Variants in STAB2 observed in about 807,000 individuals in gnomAD.
STAB2 encodes the protein stabilin-2.
Under a neutral mutation model 338.1 loss-of-function variants are expected in STAB2, and 288 were observed. The observed-to-expected ratio is 0.85, with a 90% CI of 0.77 to 0.94. The LOEUF (loss-of-function observed/expected upper bound fraction) is 0.94. Ranked by LOEUF, STAB2 falls within the 40% of genes least tolerant of loss-of-function variation. The pLI is 0.00. For synonymous variants in STAB2, 1,202 were observed against 1,193.3 expected, an observed-to-expected ratio of 1.01 and a Z score of -0.15; for missense variants, 3,141 against 3,210.1, an observed-to-expected ratio of 0.98 and a Z score of 0.52.
chr12:103,656,990 T>C (rs916772144), intron 15 of STAB2, among the ~76,000 whole-genome samples: 1 of 152,040 alleles, frequency 6.6e-6, no homozygotes, highest in South Asian at 2.1e-4. Flanking sequence ...CCGGCCAGGA[T>C]TTTTTTAAAA....
chr12:103,757,951 G>A, intron 63 of STAB2: 1 of 609,276 alleles, frequency 1.6e-6, no homozygotes, highest in Non-Finnish European at 2.8e-6. Flanking sequence ...AGGATGGGCT[G>A]TGACGTGGCT....
chr12:103,762,183 C>A (rs1213833260), intron 66 of STAB2, 91 bp from the exon 67 acceptor site: 1 of 1,549,518 alleles, frequency 6.5e-7, no homozygotes, highest in Non-Finnish European at 8.7e-7. Context: ...TTTATCCCCA[C>A]TGGCTCCAGA....
chr12:103,681,645 CAG>C (rs1269992538), intron 25 of STAB2, among the ~76,000 whole-genome samples: 1 of 104,596 alleles, frequency 9.6e-6, no homozygotes, highest in Non-Finnish European at 1.8e-5. Context: ...TTTTTTGAGA[CAG>C]AGTCTCGCTC....
chr12:103,696,763 G>C (rs748149638), intron 33 of STAB2, among the ~76,000 whole-genome samples: 1 of 152,158 alleles, frequency 6.6e-6, no homozygotes, highest in Non-Finnish European at 1.5e-5. Flanking sequence ...CCAGGGACGG[G>C]GGGAGGAGAG....
chr12:103,704,313 T>C (rs189042028), intron 35 of STAB2, among the ~76,000 whole-genome samples: 16 of 152,316 alleles, frequency 1.1e-4, no homozygotes, highest in Admixed American at 9.8e-4. Context: ...GTTAAAGAAT[T>C]TGGACTTAAA....
At chr12:103,729,184 A>C (rs991226059) in intron 48 of STAB2, among the ~76,000 whole-genome samples, 189 bp downstream of exon 48, 1 of 152,264 alleles carries the variant, frequency 6.6e-6, no homozygotes, top group South Asian at 2.1e-4. Flanking sequence ...AACAATACAC[A>C]CTGGGGCCTA....
rs979176682 is a variant in STAB2, at chr12:103,756,804, A to G, written c.6987+1086A>G. Among the ~76,000 whole-genome samples, 39 of 152,002 alleles carry G rather than the reference A, an allele frequency of 2.6e-4. 1 individual carries two copies. Among genetic ancestry groups the G allele is most frequent in the Non-Finnish European group, 1.3e-4 (9 of 68,006 alleles). On this transcript the variant is annotated intron_variant, in intron 63 of 68. Transcript: ENST00000388887. ...AAATGGAGTCTCTGTCCACAGACCAAAGATATCCATCTCACTGGTGTAAAA... is the reference window on the plus strand; with the variant it reads ...AAATGGAGTCTCTGTCCACAGACCAGAGATATCCATCTCACTGGTGTAAAA...
At chr12:103,741,957 C>T (rs928984735) in intron 55 of STAB2, among the ~76,000 whole-genome samples, 1 of 152,198 alleles carries the variant, frequency 6.6e-6, no homozygotes, top group Non-Finnish European at 1.5e-5. Flanking sequence ...GTGGACCATT[C>T]ATGAAAATCA....
intron 23 of STAB2, among the ~76,000 whole-genome samples, chr12:103,675,191 T>C (rs545497625): frequency 2.0e-5 from 3 of 152,326 alleles, no homozygotes; most frequent in African/African-American, 7.2e-5. Flanking sequence ...GGGGGTACAA[T>C]GTCCCCAGCA....
At chr12:103,665,282 T>C (rs1412673721) in intron 18 of STAB2, among the ~76,000 whole-genome samples, 2 of 152,200 alleles carry the variant, frequency 1.3e-5, no homozygotes, top group African/African-American at 4.8e-5. Flanking sequence ...AGGCTGAATC[T>C]ATAGCTGCCT....
intron 2 of STAB2, among the ~76,000 whole-genome samples, chr12:103,591,278 A>G (rs1956794249): frequency 6.6e-6 from 1 of 152,100 alleles, no homozygotes; most frequent in South Asian, 2.1e-4. Flanking sequence ...TGAGATCAGG[A>G]GTTCGAGACC....
intron 45 of STAB2, among the ~76,000 whole-genome samples, chr12:103,725,636 A>ATGTGCATGTGTGTATGCACGTGTG (rs1316981487): frequency 6.6e-6 from 1 of 151,616 alleles, no homozygotes; most frequent in Non-Finnish European, 1.5e-5. Context: ...GCAGGTGCAT[A>ATGTGCATGTGTGTATGCACGTGTG]TGTGCATGTG....
intron 28 of STAB2, among the ~76,000 whole-genome samples, chr12:103,688,461 C>G (rs901909301): frequency 2.6e-5 from 4 of 152,202 alleles, no homozygotes; most frequent in African/African-American, 9.6e-5. Flanking sequence ...ATCAGTGTGT[C>G]GGGGCCAGAA....
chr12:103,636,218 C>T (rs831431), intron 6 of STAB2, among the ~76,000 whole-genome samples: 133,620 of 138,184 alleles, frequency 0.97, 64,675 homozygotes, highest in African/African-American at 0.99. Context: ...CCACAACAGT[C>T]CCCGGTGTGT....
At chr12:103,764,929 G>A (rs1884811938) in intron 68 of STAB2, among the ~76,000 whole-genome samples, 1 of 115,878 alleles carries the variant, frequency 8.6e-6, no homozygotes, top group Non-Finnish European at 1.9e-5. Flanking sequence ...GAAATCCCAT[G>A]TCTACTAAAT....
At chr12:103,599,307 C>T (rs778442743) in intron 3 of STAB2, among the ~76,000 whole-genome samples, 26 of 152,304 alleles carry the variant, frequency 1.7e-4, no homozygotes, top group Middle Eastern at 6.8e-3. Flanking sequence ...AATGGTAAAG[C>T]CTCCTGCATT....
At chr12:103,673,292 CT>C (rs1875994838) in intron 22 of STAB2, among the ~76,000 whole-genome samples, 1 of 152,010 alleles carries the variant, frequency 6.6e-6, no homozygotes, top group Admixed American at 6.6e-5. Context: ...GTCACATCCT[CT>C]TCCCCACACC....
intron 3 of STAB2, among the ~76,000 whole-genome samples, chr12:103,601,984 A>T (rs1004295030): frequency 5.3e-5 from 8 of 152,204 alleles, no homozygotes; most frequent in Admixed American, 3.9e-4. Context: ...TATTATCATG[A>T]TTTGCATACA....
intron 5 of STAB2, among the ~76,000 whole-genome samples, chr12:103,623,147 G>A (rs1383930492): frequency 1.3e-5 from 2 of 152,194 alleles, no homozygotes; most frequent in African/African-American, 4.8e-5. Flanking sequence ...AAAATAAACA[G>A]GATGTTATTA....
Sources: allele counts gnomAD v4.1 joint callset (sites outside exome capture counted in the v4.1 genomes callset), GRCh38; gene constraint gnomAD v4.1.1; transcripts MANE v1.5; gene names NCBI Gene and HGNC (gene_info 2026-07-23, HGNC 2026-07-21).